The following MIPOL1 variants were observed in gnomAD, a reference collection of about 807,000 sequenced individuals.
MIPOL1 encodes the protein mirror-image polydactyly 1, also known as mirror-image polydactyly gene 1 protein.
A neutral mutation model predicts 60.9 loss-of-function variants in MIPOL1; 57 were observed. The observed-to-expected ratio is 0.94, with a 90% CI of 0.76 to 1.17. MIPOL1 has a LOEUF of 1.17. Ranked by LOEUF, MIPOL1 falls within the 50% of genes most tolerant of loss-of-function variation. MIPOL1 has a pLI of 0.00. For missense variants in MIPOL1, 551 were observed against 511.6 expected, an observed-to-expected ratio of 1.08 and a Z score of -0.74; for synonymous variants, 179 against 168.8, an observed-to-expected ratio of 1.06 and a Z score of -0.47.
intron 9 of MIPOL1, among the ~76,000 whole-genome samples, chr14:37,364,338 T>C (rs1215065210): frequency 6.6e-6 from 1 of 152,244 alleles, no homozygotes; most frequent in African/African-American, 2.4e-5. Flanking sequence ...TTATATTTTC[T>C]GTAGTAGTTT....
chr14:37,284,087 A>G (rs2084350730), intron 6 of MIPOL1, among the ~76,000 whole-genome samples: 1 of 152,166 alleles, frequency 6.6e-6, no homozygotes, highest in Non-Finnish European at 1.5e-5. Flanking sequence ...TGCCTAAGAA[A>G]TGATAATTTT....
At chr14:37,491,412 T>G (rs2095046201) in intron 11 of MIPOL1, among the ~76,000 whole-genome samples, 1 of 152,162 alleles carries the variant, frequency 6.6e-6, no homozygotes, top group Non-Finnish European at 1.5e-5. Flanking sequence ...GCCTGTAGTC[T>G]CAGCTACTCA....
In MIPOL1 at chr14:37,488,338, C is replaced by T. The variant is rs143616155; in HGVS notation, c.1032-11570C>T. ...AGAGTTCTGTAGATGTCTATTAGGTCCGCTTGGTGCAGAGCTGAATTGAAT... is the reference window on the plus strand; with the variant it reads ...AGAGTTCTGTAGATGTCTATTAGGTTCGCTTGGTGCAGAGCTGAATTGAAT... On this transcript the variant is annotated intron_variant, in intron 11 of 12. Coordinates refer to ENST00000684589, the MANE Select transcript of MIPOL1 (RefSeq NM_001388067.1). 2.7e-3 allele frequency among the ~76,000 whole-genome samples: 405 copies of T among 152,222 alleles called. 2 individuals carry two copies. Among genetic ancestry groups the T allele is most frequent in the African/African-American group, 9.3e-3 (388 of 41,548 alleles).
rs757382162 is a variant in MIPOL1, at chr14:37,308,097, A to T, written c.657+8A>T. The T allele has an allele frequency of 3.0e-5, 49 of 1,608,920 alleles. No homozygotes were observed. The highest frequency in any genetic ancestry group is 3.3e-4 in the Middle Eastern group (2 of 6,050). ...CCTGAAGAAAATGACATGGTAAGCC[A>T]TTCTCTGAGGAGATTTCTTGATGTC... On this transcript the variant is annotated splice_region_variant and intron_variant, in intron 8 of 12. Coordinates refer to ENST00000684589, the MANE Select transcript of MIPOL1 (RefSeq NM_001388067.1).
intron 11 of MIPOL1, among the ~76,000 whole-genome samples, chr14:37,457,867 T>G (rs1014900650): frequency 6.6e-6 from 1 of 152,148 alleles, no homozygotes; most frequent in Non-Finnish European, 1.5e-5. Context: ...GTTACCTGGC[T>G]GAAGCATTTG....
Position 37,510,737 on chromosome 14 carries a change from A to G in MIPOL1, c.1262+10599A>G, listed in dbSNP as rs182923296. ...TAGTAGTTTCAGAGAATAACAGATTAAAGTAAAAGCAGGTCAAGTTAGAGA... is the reference window on the plus strand; with the variant it reads ...TAGTAGTTTCAGAGAATAACAGATTGAAGTAAAAGCAGGTCAAGTTAGAGA... On this transcript the variant is annotated intron_variant, in intron 12 of 12. Transcript: ENST00000684589. 6.4e-4 allele frequency among the ~76,000 whole-genome samples: 98 copies of G among 152,324 alleles called. 1 individual carries two copies. The highest frequency in any genetic ancestry group is 1.0e-3 in the Non-Finnish European group (68 of 68,014).
chr14:37,254,760 C>T (rs780878124), intron 3 of MIPOL1, among the ~76,000 whole-genome samples: 9 of 151,698 alleles, frequency 5.9e-5, no homozygotes, highest in Non-Finnish European at 3.0e-5. Context: ...AGAATTCTTA[C>T]ATCTTTGGTT....
At chr14:37,272,999 A>C (rs1214709477) in intron 6 of MIPOL1, among the ~76,000 whole-genome samples, 1 of 151,362 alleles carries the variant, frequency 6.6e-6, no homozygotes, top group Non-Finnish European at 1.5e-5. Flanking sequence ...AGTATGTAAA[A>C]TATAGAGATT....
chr14:37,373,628 C>T (rs2153501756), intron 10 of MIPOL1, among the ~76,000 whole-genome samples: 1 of 152,086 alleles, frequency 6.6e-6, no homozygotes, highest in South Asian at 2.1e-4. Flanking sequence ...TGAGTGAGAA[C>T]ATGTGGTGTT....
Position 37,422,210 on chromosome 14 carries a change from C to CA in MIPOL1, c.937-640dup, listed in dbSNP as rs565132251. Among the ~76,000 whole-genome samples, 712 of 152,010 alleles carry CA rather than the reference C, an allele frequency of 4.7e-3. 4 individuals are homozygous for CA. The highest frequency in any genetic ancestry group is 0.015 in the African/African-American group (632 of 41,502). On this transcript the variant is annotated intron_variant, in intron 10 of 12. Coordinates refer to ENST00000684589, the MANE Select transcript of MIPOL1 (RefSeq NM_001388067.1). ...AACTGATTACCTGTTCTTTAAAACT[C>CA]AAAAATTATAGCAGGAAGGAACAAT...
intron 3 of MIPOL1, among the ~76,000 whole-genome samples, chr14:37,256,347 A>G (rs1026431550): frequency 3.3e-5 from 5 of 151,930 alleles, no homozygotes; most frequent in African/African-American, 1.2e-4. Flanking sequence ...TTAAGGTTTC[A>G]GGCCTGTGTA....
chr14:37,280,390 C>G (rs897943797), intron 6 of MIPOL1, among the ~76,000 whole-genome samples: 8 of 152,116 alleles, frequency 5.3e-5, no homozygotes, highest in Non-Finnish European at 1.0e-4. Context: ...TTTGTGGAAC[C>G]TCATACCGTT....
At chr14:37,231,689 TTCTC>T (rs1970657613) in intron 1 of MIPOL1, among the ~76,000 whole-genome samples, 2 of 152,252 alleles carry the variant, frequency 1.3e-5, no homozygotes, top group South Asian at 4.1e-4. Context: ...ATAAAAAGCA[TTCTC>T]TCTAGGAAAA....
intron 11 of MIPOL1, among the ~76,000 whole-genome samples, chr14:37,443,035 A>C (rs949073673): frequency 6.6e-6 from 1 of 152,182 alleles, no homozygotes; most frequent in African/African-American, 2.4e-5. Context: ...AAAAAAGAGC[A>C]AAGGAGGCAG....
chr14:37,225,924 A>G (rs779061872), intron 1 of MIPOL1, among the ~76,000 whole-genome samples: 4 of 152,122 alleles, frequency 2.6e-5, no homozygotes, highest in Middle Eastern at 3.2e-3. Context: ...CAGACACCCT[A>G]AATCATCTCT....
chr14:37,217,144 T>G (rs886249343), intron 1 of MIPOL1, among the ~76,000 whole-genome samples: 1 of 152,122 alleles, frequency 6.6e-6, no homozygotes, highest in Non-Finnish European at 1.5e-5. Flanking sequence ...TTGGAAAATG[T>G]AAGAGAAATG....
At chr14:37,496,927 C>G (rs1043520774) in intron 11 of MIPOL1, among the ~76,000 whole-genome samples, 6 of 151,694 alleles carry the variant, frequency 4.0e-5, no homozygotes, top group Non-Finnish European at 8.8e-5. Context: ...GTAACCAAAA[C>G]AGCATGGTAC....
At chr14:37,512,169 A>ACG (rs927370080) in intron 12 of MIPOL1, among the ~76,000 whole-genome samples, 2 of 151,826 alleles carry the variant, frequency 1.3e-5, no homozygotes, top group African/African-American at 4.8e-5. Context: ...GACCAAACAC[A>ACG]CACACACACA....
intron 11 of MIPOL1, among the ~76,000 whole-genome samples, chr14:37,479,711 A>G (rs1257908623): frequency 2.0e-5 from 3 of 152,226 alleles, no homozygotes; most frequent in South Asian, 2.1e-4. Flanking sequence ...AAAATTAAGT[A>G]CAGACTAGAA....
Sources: allele counts gnomAD v4.1 joint callset (sites outside exome capture counted in the v4.1 genomes callset), GRCh38; gene constraint gnomAD v4.1.1; transcripts MANE v1.5; gene names NCBI Gene and HGNC (gene_info 2026-07-23, HGNC 2026-07-21).